BTK: variants seen among roughly 807,000 people sequenced by gnomAD.
BTK encodes Bruton tyrosine kinase.
A neutral mutation model predicts 57.4 loss-of-function variants in BTK; 5 were observed. That is an observed-to-expected ratio of 0.09 (90% CI 0.05 to 0.18). The LOEUF (loss-of-function observed/expected upper bound fraction) is 0.18. Among genes scored for constraint, BTK ranks in the 10% least tolerant of loss-of-function variants. BTK has a pLI of 1.00. For missense variants in BTK, 194 were observed against 501.2 expected, an observed-to-expected ratio of 0.39 and a Z score of 5.85; for synonymous variants, 154 against 174.3, an observed-to-expected ratio of 0.88 and a Z score of 0.92.
At chrX:101,357,731 G>C (rs895199695) in intron 12 of BTK, 148 bp from the exon 13 acceptor site, 2 of 537,928 alleles carry the variant, frequency 3.7e-6, no homozygotes, top group Admixed American at 2.7e-5. Context: ...CATATTTCCA[G>C]AGGTTTCTCC....
intron 18 of BTK, chrX:101,352,957 T>C (rs969058098): frequency 1.6e-5 from 6 of 368,110 alleles, no homozygotes; most frequent in Non-Finnish European, 2.8e-5. Context: ...TCCCAGCTAC[T>C]TGGGAGGCTG....
chrX:101,353,369 T>G lies in BTK; in HGVS notation c.1751-18A>C. 1 of 1,205,593 alleles carries G rather than the reference T, an allele frequency of 8.3e-7. No individual in the cohort carries two copies. The highest frequency in any genetic ancestry group is 1.1e-6 in the Non-Finnish European group (1 of 890,632). ...CAAAACCCCTAGAAGGTGAAAAAAA[T>G]TATTAAATTGGTTTGCAGTCTTTTT... is the stretch of plus-strand genomic sequence containing the variant. On this transcript the variant is annotated intron_variant, in intron 17 of 18. Coordinates refer to ENST00000308731, the MANE Select transcript of BTK (RefSeq NM_000061.3).
rs201408619 is a variant in BTK, at chrX:101,362,548, T to C, written c.520+13A>G. ...TCAAAGGAGAAAGAAATTATATCGA[T>C]CAGATTGCTTACTTCCATTCCTGTT... On this transcript the variant is annotated intron_variant, in intron 6 of 18. Coordinates refer to ENST00000308731, the MANE Select transcript of BTK (RefSeq NM_000061.3). 89 of 1,209,891 alleles carry C rather than the reference T, an allele frequency of 7.4e-5. No individual in the cohort carries two copies. The highest frequency in any genetic ancestry group is 6.9e-4 in the Middle Eastern group (3 of 4,355).
At chrX:101,377,353 G>C (rs782809233) in intron 1 of BTK, among the ~76,000 whole-genome samples, 1 of 111,541 alleles carries the variant, frequency 9.0e-6, no homozygotes, top group Admixed American at 9.5e-5. Context: ...AATTATTCTT[G>C]TGGCAAATTA....
chrX:101,362,045 C>T, intron 7 of BTK, 128 bp downstream of exon 7: 1 of 688,214 alleles, frequency 1.5e-6, no homozygotes, highest in Non-Finnish European at 2.3e-6. Context: ...AGAACAAATC[C>T]CCCATCTTAG....
chrX:101,380,954 C>T (rs1225820342), intron 1 of BTK, among the ~76,000 whole-genome samples: 1 of 98,186 alleles, frequency 1.0e-5, no homozygotes, highest in Non-Finnish European at 2.0e-5. Flanking sequence ...TGCAGTGAGC[C>T]GAGATCTTGC....
At chrX:101,369,739 GTTTC>G (rs869091572) in intron 5 of BTK, among the ~76,000 whole-genome samples, 2 of 96,788 alleles carry the variant, frequency 2.1e-5, no homozygotes, top group African/African-American at 4.0e-5. Flanking sequence ...ACTTTCCTTT[GTTTC>G]TTTGTTATTT....
At chrX:101,380,888 C>T (rs1927393252) in intron 1 of BTK, among the ~76,000 whole-genome samples, 1 of 106,805 alleles carries the variant, frequency 9.4e-6, no homozygotes, top group African/African-American at 3.5e-5. Flanking sequence ...ACGCTACTCT[C>T]CCAGCTACTC....
chrX:101,379,735 T>C (rs1401909203), intron 1 of BTK, among the ~76,000 whole-genome samples: 3 of 112,123 alleles, frequency 2.7e-5, no homozygotes, highest in Non-Finnish European at 3.8e-5. Context: ...CTCTCCATTT[T>C]CTAGGAATGT....
intron 5 of BTK, among the ~76,000 whole-genome samples, chrX:101,364,035 C>A (rs1397654476): frequency 9.4e-6 from 1 of 106,951 alleles, no homozygotes; most frequent in East Asian, 2.9e-4. Flanking sequence ...GGACTACAAG[C>A]ACTCACCACC....
At position 101,352,117 on chromosome X, in the gene BTK, C is replaced by T. The variant is rs782478630; in HGVS notation, c.1908+1077G>A. On this transcript the variant is annotated intron_variant, in intron 18 of 18. Transcript: ENST00000308731. ...GGCGGGGCTTGCGGTGAGCCGAGATCACGCCACTGCACTCCAGCCTGGGCG... is the reference window on the plus strand; with the variant it reads ...GGCGGGGCTTGCGGTGAGCCGAGATTACGCCACTGCACTCCAGCCTGGGCG... Among the ~76,000 whole-genome samples, 3 of 103,717 alleles carry T rather than the reference C, an allele frequency of 2.9e-5. 1 individual carries two copies. In the Admixed American group the frequency reaches 3.2e-4, roughly 11 times the overall value. The allele number at this position is 103,717 out of a possible 115,157, so 90.1% of individuals were successfully genotyped here. A position where few individuals can be genotyped will look rare whatever the true frequency, so the allele number is the denominator to read the frequency against.
chrX:101,352,142 G>A (rs1001604060), intron 18 of BTK, among the ~76,000 whole-genome samples: 2 of 94,674 alleles, frequency 2.1e-5, no homozygotes, highest in Non-Finnish European at 4.1e-5. Flanking sequence ...CAGCCTGGGC[G>A]ACAGAGAAAG....
intron 1 of BTK, among the ~76,000 whole-genome samples, chrX:101,382,203 C>T (rs1175199577): frequency 5.4e-5 from 6 of 110,970 alleles, no homozygotes; most frequent in South Asian, 3.7e-4. Flanking sequence ...ATGAAGGCAT[C>T]AAGCCAAACT....
chrX:101,355,950 T>C (rs1926464617), intron 15 of BTK, 102 bp downstream of exon 15: 3 of 863,897 alleles, frequency 3.5e-6, no homozygotes, highest in Non-Finnish European at 5.2e-6. Context: ...AAAATTGAAA[T>C]GATGGCACCA....
At chrX:101,374,750 T>G in intron 2 of BTK, 116 bp from the exon 3 acceptor site, 1 of 645,695 alleles carries the variant, frequency 1.5e-6, no homozygotes, top group African/African-American at 2.2e-5. Flanking sequence ...GGACCTGTCA[T>G]GTGGGGGAAG....
chrX:101,373,055 C>A (rs1261496279), intron 3 of BTK, among the ~76,000 whole-genome samples: 2 of 108,703 alleles, frequency 1.8e-5, no homozygotes, highest in African/African-American at 3.3e-5. Context: ...GCACTCCAGC[C>A]TGGGCGACAC....
At chrX:101,386,939 A>G (rs1225348153), upstream of BTK, among the ~76,000 whole-genome samples, 1 of 111,180 alleles carries the variant, frequency 9.0e-6, no homozygotes, top group Non-Finnish European at 1.9e-5. Context: ...GGGGCCCCCT[A>G]CATTATGCTC....
intron 1 of BTK, chrX:101,378,120 G>A (rs1245797408): frequency 1.2e-5 from 1 of 82,525 alleles, no homozygotes; most frequent in Non-Finnish European, 2.2e-5. Context: ...ATCTTGCTTT[G>A]TTGCCCAGGC....
chrX:101,368,288 C>T (rs1011062695), intron 5 of BTK, among the ~76,000 whole-genome samples: 1 of 112,701 alleles, frequency 8.9e-6, no homozygotes, highest in African/African-American at 3.2e-5. Flanking sequence ...GACCCCTTAT[C>T]TTAAAATATG....
Sources: allele counts gnomAD v4.1 joint callset (sites outside exome capture counted in the v4.1 genomes callset), GRCh38; gene constraint gnomAD v4.1.1; transcripts MANE v1.5; gene names NCBI Gene and HGNC (gene_info 2026-07-23, HGNC 2026-07-21).